ERI2: variants seen among roughly 807,000 people sequenced by gnomAD.
ERI2 encodes the protein ERI1 exoribonuclease 2.
ERI2 carries 35 observed loss-of-function variants against 46.8 expected under a neutral mutation model. The ratio of observed to expected loss-of-function variants is 0.75; its 90% CI spans 0.57 to 0.99. ERI2 has a LOEUF of 0.99. Ranked by LOEUF, ERI2 falls within the 50% of genes least tolerant of loss-of-function variation. ERI2 has a pLI of 0.00. For synonymous variants in ERI2, 224 were observed against 271.0 expected, an observed-to-expected ratio of 0.83 and a Z score of 1.70; for missense variants, 695 against 796.2, an observed-to-expected ratio of 0.87 and a Z score of 1.53.
At chr16:20,786,864 T>G (rs2080484857) in intron 10 of ERI2, among the ~76,000 whole-genome samples, 1 of 152,238 alleles carries the variant, frequency 6.6e-6, no homozygotes, top group Admixed American at 6.5e-5. Context: ...ATCTGCACTC[T>G]TAACCACAAC....
rs7196188 is a variant in ERI2, at chr16:20,781,113, C to A, written c.895-379G>T. ...CACACACCATTTACCCCGTTTTGAG[C>A]CGACTTCTATCTTGCAAGTAAGCCA... On this transcript the variant is annotated intron_variant, in intron 10 of 10. Transcript: ENST00000300005. 3.9e-3 allele frequency: 6,222 copies of A among 1,613,916 alleles called. 227 individuals carry two copies. In the African/African-American group the frequency reaches 0.072, roughly 19 times the overall value.
chr16:20,805,578 A>G (rs554089787), intron 1 of ERI2: 1 of 152,564 alleles, frequency 6.6e-6, no homozygotes, highest in Admixed American at 6.5e-5. Context: ...TCTGCTAGAT[A>G]TAATAAAGAA....
At chr16:20,782,644 A>G (rs529478839) in intron 10 of ERI2, among the ~76,000 whole-genome samples, 2 of 152,290 alleles carry the variant, frequency 1.3e-5, no homozygotes, top group African/African-American at 2.4e-5. Flanking sequence ...TTAATGACTC[A>G]GTCCCACAAG....
In ERI2 at chr16:20,798,223, G is replaced by C; in HGVS notation, c.1577C>G (p.Pro526Arg). The C allele has an allele frequency of 6.4e-7, 1 of 1,551,520 alleles. No individual in the cohort carries two copies. Among genetic ancestry groups the C allele is most frequent in the Non-Finnish European group, 8.7e-7 (1 of 1,146,866 alleles). ...CCTTTTGGTACCACCTGAAAGAAGA[G>C]GATGTTTCCCCAAAACTAAAGGATG... is the stretch of plus-strand genomic sequence containing the variant. The part of the protein sequence containing the change: ...MSHPLVLGKH[P>R]LLSGGTKRNP... The change falls in exon 9 of 9, where the codon CCT becomes CGT. Residue 526 changes from proline to arginine, a missense_variant. Pro to Arg is a moderately radical substitution (Grantham distance 103, BLOSUM62 -2). Transcript: ENST00000357967.
At chr16:20,799,936 T>A (rs1413772643) in intron 7 of ERI2, 21 bp downstream of exon 7, 1 of 1,459,018 alleles carries the variant, frequency 6.9e-7, no homozygotes, top group African/African-American at 1.4e-5. Context: ...ATGGCTTACA[T>A]AATTTTTAAT....
chr16:20,786,304 A>G, intron 10 of ERI2: 1 of 1,379,988 alleles, frequency 7.2e-7, no homozygotes, highest in South Asian at 1.6e-5. Flanking sequence ...ATATGTGAAA[A>G]TGATTAGAAA....
chr16:20,789,359 G>T, intron 10 of ERI2: 1 of 761,116 alleles, frequency 1.3e-6, no homozygotes, highest in Non-Finnish European at 2.3e-6. Flanking sequence ...GTACTTAAAG[G>T]TTTAGCATTA....
rs1388849083 is a variant in ERI2, at chr16:20,797,819, T to C, written c.1981A>G (p.Thr661Ala). The C allele has an allele frequency of 4.5e-6, 7 of 1,551,380 alleles. No homozygotes were observed. The highest frequency in any genetic ancestry group is 1.4e-5 in the African/African-American group (1 of 73,038). ...MVPSHSTGGL[T>A]FSSPETSHIC... The stretch of plus-strand genomic sequence containing the variant: ...TGGCTTGTTTCTGGAGAACTAAAAG[T>C]GAGTCCCCCTGTGGAATGAGATGGA... Residue 661 changes from threonine to alanine, a missense_variant, in exon 9 of 9, where the codon ACT (threonine) becomes GCT (alanine). Coordinates refer to ENST00000357967, the MANE Select transcript of ERI2 (RefSeq NM_001142725.2).
At chr16:20,784,107 T>G (rs540557736) in intron 10 of ERI2, among the ~76,000 whole-genome samples, 14 of 152,136 alleles carry the variant, frequency 9.2e-5, no homozygotes, top group Non-Finnish European at 2.1e-4. Context: ...CACCTGGCCT[T>G]TCCTTCTCTA....
rs1473451969 is a variant in ERI2 at position 20,790,092 on chromosome 16, T to C, written c.816-535A>G. On this transcript the variant is annotated intron_variant, in intron 9 of 10. Transcript: ENST00000300005. The surrounding 1 kb of genome is among the most constrained non-coding windows in gnomAD (Gnocchi z 4.0). ...CCTGCGTTCACATGTTGGTAACCTG[T>C]ATTTAATATTTTATGCAATAAGAAT... Among the ~76,000 whole-genome samples, 1 of 152,230 alleles carries C rather than the reference T, an allele frequency of 6.6e-6. No homozygotes were observed. Among genetic ancestry groups the C allele is most frequent in the Non-Finnish European group, 1.5e-5 (1 of 68,048 alleles).
intron 4 of ERI2, among the ~76,000 whole-genome samples, chr16:20,801,747 T>G: frequency 6.6e-6 from 1 of 152,286 alleles, no homozygotes; most frequent in Admixed American, 6.5e-5. Flanking sequence ...TGCTGTGTAT[T>G]TATTTAATTT....
intron 4 of ERI2, 112 bp from the exon 5 acceptor site, chr16:20,801,471 G>A (rs2080794717): frequency 8.3e-7 from 1 of 1,210,614 alleles, no homozygotes; most frequent in Non-Finnish European, 1.1e-6. Context: ...GAAATGCCAA[G>A]TCATGAAAAC....
chr16:20,797,625 CATT>C lies in ERI2; in HGVS notation c.*96_*98del. On this transcript the variant is annotated 3_prime_UTR_variant, in exon 9 of 9. Coordinates refer to ENST00000357967, the MANE Select transcript of ERI2 (RefSeq NM_001142725.2). ...AAGAAAGTATGGTAAATGCAGTAAA[CATT>C]AATATATAAAATAAAAATAAAATAG... 1.5e-6 allele frequency: 2 copies of C among 1,361,698 alleles called. No individual in the cohort carries two copies. The highest frequency in any genetic ancestry group is 5.4e-5 in the East Asian group (2 of 37,110). 84.4% of individuals were successfully genotyped at this position (1,361,698 alleles called of 1,614,324 possible). A position where few individuals can be genotyped will look rare whatever the true frequency, so the allele number is the denominator to read the frequency against.
At chr16:20,789,684 C>CTTTT (rs561663756) in intron 9 of ERI2, 17 of 446,524 alleles carry the variant, frequency 3.8e-5, no homozygotes, top group South Asian at 7.6e-5. Flanking sequence ...CTCTATTTTT[C>CTTTT]TTTTTTTTTT....
downstream of ERI2, chr16:20,792,553 C>T (rs950775864): frequency 1.0e-5 from 10 of 985,278 alleles, no homozygotes; most frequent in Admixed American, 6.2e-5. Flanking sequence ...GCTGAAAATA[C>T]GTACTAGAAA....
chr16:20,794,536 C>A (rs1212064826), downstream of ERI2, among the ~76,000 whole-genome samples: 2 of 152,096 alleles, frequency 1.3e-5, no homozygotes, highest in African/African-American at 4.8e-5. Flanking sequence ...TAGCAGCTAT[C>A]ATATTGAATG....
intron 5 of ERI2, chr16:20,800,663 G>C: frequency 3.5e-6 from 1 of 288,728 alleles, no homozygotes; most frequent in Non-Finnish European, 6.4e-6. Context: ...AAATTACAAG[G>C]ACTATATTTT....
At position 20,797,714 on chromosome 16, in the gene ERI2, T is replaced by C. The variant is rs1455379076; in HGVS notation, c.*10A>G. The stretch of plus-strand genomic sequence containing the variant: ...TCAAGGAACAATTAGGATTCATACA[T>C]GAAAGGTTATCAATTCCTCATTGAA... On this transcript the variant is annotated 3_prime_UTR_variant, in exon 9 of 9. Coordinates refer to ENST00000357967, the MANE Select transcript of ERI2 (RefSeq NM_001142725.2). 1 of 1,531,650 alleles carries C rather than the reference T, an allele frequency of 6.5e-7. No individual in the cohort carries two copies. Among genetic ancestry groups the C allele is most frequent in the South Asian group, 1.2e-5 (1 of 80,090 alleles). 94.9% of individuals were successfully genotyped at this position (1,531,650 alleles called of 1,614,324 possible). A position where few individuals can be genotyped will look rare whatever the true frequency, so the allele number is the denominator to read the frequency against.
In ERI2 at chr16:20,800,336, A is replaced by G. The variant is rs1330405372; in HGVS notation, c.527T>C (p.Leu176Ser). Residue 176 changes from leucine to serine, a missense_variant, in exon 6 of 9, where the codon TTA becomes TCA. Physicochemically the swap from Leu to Ser is moderately radical, Grantham distance 145. Coordinates refer to ENST00000357967, the MANE Select transcript of ERI2 (RefSeq NM_001142725.2). ...TGCTCTGAGATCAATCCAAGAATTT[A>G]AAAACACAGGTTTTAACAGCTGCTT... ...KRKQLLKPVFLNSWIDLRATY... is the reference protein window; with the variant it reads ...KRKQLLKPVFSNSWIDLRATY... 5 of 1,610,290 alleles carry G rather than the reference A, an allele frequency of 3.1e-6. No homozygotes were observed. The highest frequency in any genetic ancestry group is 3.4e-5 in the Admixed American group (2 of 59,676).
Sources: gnomAD v4.1 joint callset for allele counts (sites outside exome capture counted in the v4.1 genomes callset) on GRCh38, gnomAD v4.1.1 for gene constraint, Gnocchi (gnomAD v3.1) non-coding constraint, MANE v1.5 for transcripts, NCBI Gene and HGNC (gene_info 2026-07-23, HGNC 2026-07-21) for gene names.